MAP2K4: variants seen among roughly 807,000 people sequenced by gnomAD.
The protein encoded by MAP2K4 is mitogen-activated protein kinase kinase 4.
In MAP2K4, 4 loss-of-function variants were observed where a neutral mutation model predicts 48.5. The ratio of observed to expected loss-of-function variants is 0.08; its 90% CI spans 0.04 to 0.19. The LOEUF (loss-of-function observed/expected upper bound fraction) is 0.19. Among genes scored for constraint, MAP2K4 ranks in the 10% least tolerant of loss-of-function variants. The pLI, the probability that MAP2K4 is intolerant of heterozygous loss-of-function variation, is 1.00. For missense variants in MAP2K4, 258 were observed against 493.3 expected, an observed-to-expected ratio of 0.52 and a Z score of 4.52; for synonymous variants, 166 against 173.1, an observed-to-expected ratio of 0.96 and a Z score of 0.32.
At chr17:12,092,555 A>G (rs182399076) in intron 3 of MAP2K4, among the ~76,000 whole-genome samples, 1 of 152,314 alleles carries the variant, frequency 6.6e-6, no homozygotes, top group African/African-American at 2.4e-5. Context: ...GATTGTCATT[A>G]TGTATTCTAC....
intron 2 of MAP2K4, among the ~76,000 whole-genome samples, chr17:12,071,859 G>C (rs1035542821): frequency 3.3e-5 from 5 of 152,160 alleles, no homozygotes; most frequent in African/African-American, 1.2e-4. Flanking sequence ...GCCTGGGCAG[G>C]AGAGAAGGTC....
chr17:12,093,144 T>C (rs535255081), intron 3 of MAP2K4, among the ~76,000 whole-genome samples: 1 of 152,362 alleles, frequency 6.6e-6, no homozygotes, highest in Admixed American at 6.5e-5. Flanking sequence ...TGGGGAGGTG[T>C]TGATCTCTTG....
In MAP2K4 at chr17:12,020,903, C is replaced by G; in HGVS notation, c.17C>G (p.Pro6Arg). ...CTCCCAACAATGGCGGCTCCGAGCC[C>G]GAGCGGCGGCGGCGGCTCCGGGGGC... MAAPS[P>R]SGGGGSGGGS... Residue 6 changes from proline to arginine, a missense_variant, in exon 1 of 11, where the codon CCG becomes CGG. By Grantham distance (103) the Pro-to-Arg change is moderately radical. Around this residue, in one of 3 missense-constraint regions of MAP2K4, gnomAD observed 69 missense variants for 56.2 expected, o/e 1.23. Coordinates refer to ENST00000353533, the MANE Select transcript of MAP2K4 (RefSeq NM_003010.4). 8.2e-7 allele frequency: 1 copy of G among 1,216,228 alleles called. No individual in the cohort carries two copies. Among genetic ancestry groups the G allele is most frequent in the Non-Finnish European group, 1.0e-6 (1 of 977,758 alleles). 75.3% of individuals were successfully genotyped at this position (1,216,228 alleles called of 1,614,324 possible). A position where few individuals can be genotyped will look rare whatever the true frequency, so the allele number is the denominator to read the frequency against.
At chr17:12,090,780 C>T (rs185067842) in intron 3 of MAP2K4, among the ~76,000 whole-genome samples, 22 of 152,246 alleles carry the variant, frequency 1.4e-4, no homozygotes, top group African/African-American at 5.3e-4. Context: ...ATTAGTTTTC[C>T]TTGACAGTAT....
intron 1 of MAP2K4, among the ~76,000 whole-genome samples, chr17:12,026,093 A>G (rs1969242318): frequency 6.6e-6 from 1 of 152,224 alleles, no homozygotes; most frequent in African/African-American, 2.4e-5. Context: ...TCCCTTAAAA[A>G]TTAGAGCAAC....
intron 3 of MAP2K4, among the ~76,000 whole-genome samples, chr17:12,094,735 G>C (rs902503796): frequency 6.6e-6 from 1 of 152,062 alleles, no homozygotes; most frequent in Non-Finnish European, 1.5e-5. Flanking sequence ...GGGAGGAGGT[G>C]GGGTACTTAA....
At chr17:12,039,003 G>A (rs1312693983) in intron 1 of MAP2K4, among the ~76,000 whole-genome samples, 2 of 152,094 alleles carry the variant, frequency 1.3e-5, no homozygotes, top group African/African-American at 2.4e-5. Context: ...CATTTGTAAG[G>A]CTTATCAAGG....
intron 2 of MAP2K4, among the ~76,000 whole-genome samples, chr17:12,066,691 G>A (rs1238564903): frequency 1.3e-5 from 2 of 151,996 alleles, no homozygotes; most frequent in Non-Finnish European, 2.9e-5. Context: ...ACCACACATG[G>A]CTAATTTTTT....
intron 3 of MAP2K4, among the ~76,000 whole-genome samples, chr17:12,095,099 G>A (rs891222395): frequency 6.6e-6 from 1 of 152,108 alleles, no homozygotes; most frequent in Non-Finnish European, 1.5e-5. Context: ...TTATGAATGA[G>A]GACACTGTGG....
chr17:12,028,344 A>G (rs905695933), intron 1 of MAP2K4, among the ~76,000 whole-genome samples: 17 of 152,212 alleles, frequency 1.1e-4, no homozygotes, highest in Admixed American at 6.5e-4. Context: ...TGATTCTAAC[A>G]ACCTGGAATT....
At chr17:12,099,802 T>C (rs1971878155) in intron 4 of MAP2K4, among the ~76,000 whole-genome samples, 1 of 152,226 alleles carries the variant, frequency 6.6e-6, no homozygotes, top group African/African-American at 2.4e-5. Context: ...TGAAACCTAG[T>C]ATCACTTAAA....
At chr17:12,119,556 A>G (rs1567669563) in intron 7 of MAP2K4, among the ~76,000 whole-genome samples, 1 of 152,228 alleles carries the variant, frequency 6.6e-6, no homozygotes, top group African/African-American at 2.4e-5. Context: ...AATTAATTCA[A>G]CCATTGTGGA....
rs1972263908 is a variant in MAP2K4 at position 12,110,360 on chromosome 17, C to T, written c.634-15C>T. On this transcript the variant is annotated splice_polypyrimidine_tract_variant and intron_variant, in intron 5 of 10. Transcript: ENST00000353533. ...GAAACAAGTTGTTTATCCCATCTCTCCTTTTTCTCCCTAGACTGTGAAAGC... is the reference window on the plus strand; with the variant it reads ...GAAACAAGTTGTTTATCCCATCTCTTCTTTTTCTCCCTAGACTGTGAAAGC... 1.3e-6 allele frequency: 2 copies of T among 1,598,844 alleles called. No homozygotes were observed. The highest frequency in any genetic ancestry group is 3.4e-5 in the Admixed American group (2 of 59,496).
rs896115338 is a variant in MAP2K4, at chr17:12,143,146, G to A, written c.*1886G>A. The A allele has an allele frequency of 2.6e-5, 6 of 232,688 alleles. No homozygotes were observed. The highest frequency in any genetic ancestry group is 5.6e-5 in the Admixed American group (1 of 17,730). The allele number at this position is 232,688 out of a possible 1,614,324, so 14.4% of individuals were successfully genotyped here. On this transcript the variant is annotated 3_prime_UTR_variant, in exon 11 of 11. Coordinates refer to ENST00000353533, the MANE Select transcript of MAP2K4 (RefSeq NM_003010.4). ...GAGACATTGCTCTATGTCTGCCTTCGACCACAGCAAGCCATCATCCTCCAT... is the reference window on the plus strand; with the variant it reads ...GAGACATTGCTCTATGTCTGCCTTCAACCACAGCAAGCCATCATCCTCCAT...
chr17:12,065,280 T>G (rs111266881), intron 2 of MAP2K4, among the ~76,000 whole-genome samples: 24,634 of 145,110 alleles, frequency 0.17, 2,480 homozygotes, highest in South Asian at 0.3. Context: ...TTATTATTAT[T>G]ATTATTATTA....
At chr17:12,121,524 G>A (rs1016903528) in intron 7 of MAP2K4, among the ~76,000 whole-genome samples, 6 of 145,000 alleles carry the variant, frequency 4.1e-5, no homozygotes, top group Non-Finnish European at 7.4e-5. Context: ...GCAGTGAGCC[G>A]AGATCGCGCC....
intron 3 of MAP2K4, among the ~76,000 whole-genome samples, chr17:12,087,487 T>C (rs1389890440): frequency 6.6e-6 from 1 of 152,122 alleles, no homozygotes; most frequent in Non-Finnish European, 1.5e-5. Context: ...GGGCAGCTCT[T>C]CCCATAATGT....
At chr17:12,095,900 T>C (rs1353627281) in intron 4 of MAP2K4, among the ~76,000 whole-genome samples, 1 of 73,312 alleles carries the variant, frequency 1.4e-5, no homozygotes, top group Non-Finnish European at 3.2e-5. Flanking sequence ...TGTGTTTGTG[T>C]GTGTGTGTGT....
Position 12,075,364 on chromosome 17 carries a change from A to G in MAP2K4, c.219-5992A>G, listed in dbSNP as rs182095273. 9.6e-4 allele frequency among the ~76,000 whole-genome samples: 147 copies of G among 152,358 alleles called. 2 individuals are homozygous for G. Among genetic ancestry groups the G allele is most frequent in the Non-Finnish European group, 6.3e-4 (43 of 68,026 alleles). On this transcript the variant is annotated intron_variant, in intron 2 of 10. Coordinates refer to ENST00000353533, the MANE Select transcript of MAP2K4 (RefSeq NM_003010.4). ...ATGATACTGCATGACAGCAAAAGAA[A>G]AGAATTTGAGGGCAGTCATTGATTT...
Sources: gnomAD v4.1 joint callset for allele counts (sites outside exome capture counted in the v4.1 genomes callset) on GRCh38, gnomAD v4.1.1 for gene constraint, gnomAD v4.1.1 regional missense constraint, MANE v1.5 for transcripts, NCBI Gene and HGNC (gene_info 2026-07-23, HGNC 2026-07-21) for gene names.